HS3ST4: variants seen among roughly 807,000 people sequenced by gnomAD.
The protein encoded by HS3ST4 is heparan sulfate glucosamine 3-O-sulfotransferase 4.
HS3ST4 carries 17 observed loss-of-function variants against 29.2 expected under a neutral mutation model. The observed-to-expected ratio is 0.58, with a 90% confidence interval of 0.40 to 0.87. The LOEUF (loss-of-function observed/expected upper bound fraction) is 0.87. Among genes scored for constraint, HS3ST4 ranks in the 40% least tolerant of loss-of-function variants. The pLI is 0.00. For synonymous variants in HS3ST4, 314 were observed against 285.7 expected, an observed-to-expected ratio of 1.10 and a Z score of -1.00; for missense variants, 627 against 634.5, an observed-to-expected ratio of 0.99 and a Z score of 0.13.
intron 1 of HS3ST4, among the ~76,000 whole-genome samples, chr16:25,975,820 A>G (rs1968938094): frequency 6.6e-6 from 1 of 152,154 alleles, no homozygotes. Flanking sequence ...ATTCTTCAAA[A>G]GTGTGATTCT....
At chr16:25,917,165 C>A (rs985584267) in intron 1 of HS3ST4, among the ~76,000 whole-genome samples, 2 of 152,158 alleles carry the variant, frequency 1.3e-5, no homozygotes, top group African/African-American at 4.8e-5. Context: ...CTAGCACATA[C>A]TAGGGGCTTA....
intron 1 of HS3ST4, among the ~76,000 whole-genome samples, chr16:25,846,353 G>A (rs941658418): frequency 6.6e-6 from 1 of 152,168 alleles, no homozygotes; most frequent in African/African-American, 2.4e-5. Context: ...GGGCGACACA[G>A]TAAGACCCTG....
In HS3ST4 at chr16:25,703,539, G is replaced by A. The variant is rs114539972; in HGVS notation, c.734+10388G>A. On this transcript the variant is annotated intron_variant, in intron 1 of 1. Transcript: ENST00000331351. ...CCTAGGTGTATGGCCTCAAGCATACGTTCTTACCTTTATTTGTCTCAGAGT... is the reference window on the plus strand; with the variant it reads ...CCTAGGTGTATGGCCTCAAGCATACATTCTTACCTTTATTTGTCTCAGAGT... 9.4e-3 allele frequency among the ~76,000 whole-genome samples: 1,431 copies of A among 152,340 alleles called. 22 individuals are homozygous for A. The highest frequency in any genetic ancestry group is 0.033 in the African/African-American group (1,359 of 41,580).
chr16:25,890,512 G>A (rs1365622974), intron 1 of HS3ST4, among the ~76,000 whole-genome samples: 2 of 152,200 alleles, frequency 1.3e-5, no homozygotes, highest in Non-Finnish European at 2.9e-5. Context: ...AGGTATTGAT[G>A]ACATGAATGT....
intron 1 of HS3ST4, 85 bp downstream of exon 1, chr16:25,693,236 T>C: frequency 7.2e-7 from 1 of 1,387,764 alleles, no homozygotes; most frequent in Non-Finnish European, 9.5e-7. Context: ...CCTTCGAGCA[T>C]CCAGGCACCG....
chr16:25,872,207 G>A (rs1054750990), intron 1 of HS3ST4, among the ~76,000 whole-genome samples: 1 of 152,188 alleles, frequency 6.6e-6, no homozygotes. Flanking sequence ...TGCTTATACT[G>A]ATGAGAAGTG....
chr16:25,879,475 A>G (rs1022987881), intron 1 of HS3ST4, among the ~76,000 whole-genome samples: 14 of 152,158 alleles, frequency 9.2e-5, no homozygotes, highest in African/African-American at 3.4e-4. Flanking sequence ...AGACAAGAGA[A>G]GAGAGCTTGT....
chr16:25,885,986 G>A (rs1967945768), intron 1 of HS3ST4, among the ~76,000 whole-genome samples: 1 of 144,918 alleles, frequency 6.9e-6, no homozygotes, highest in Non-Finnish European at 1.5e-5. Flanking sequence ...TAATCAAAAA[G>A]AATGAAGAAG....
chr16:26,128,944 A>T (rs533304617), intron 1 of HS3ST4, among the ~76,000 whole-genome samples: 20 of 152,264 alleles, frequency 1.3e-4, no homozygotes, highest in Admixed American at 2.6e-4. Flanking sequence ...AATATTGCTA[A>T]TTTATGCACC....
At chr16:25,793,927 C>T (rs897125664) in intron 1 of HS3ST4, among the ~76,000 whole-genome samples, 2 of 151,628 alleles carry the variant, frequency 1.3e-5, no homozygotes, top group African/African-American at 4.8e-5. Context: ...TCCATGTCTT[C>T]CTGTATCACA....
chr16:25,771,299 G>A (rs1274263243), intron 1 of HS3ST4, among the ~76,000 whole-genome samples: 1 of 152,116 alleles, frequency 6.6e-6, no homozygotes, highest in East Asian at 1.9e-4. Flanking sequence ...GGACTTGGTA[G>A]AGTAGGGCCA....
At chr16:25,835,206 C>T (rs1967345236) in intron 1 of HS3ST4, among the ~76,000 whole-genome samples, 1 of 152,156 alleles carries the variant, frequency 6.6e-6, no homozygotes, top group Admixed American at 6.5e-5. Flanking sequence ...TAAAATATGC[C>T]TCTTAAGTCT....
chr16:25,774,103 C>T (rs1440268880), intron 1 of HS3ST4, among the ~76,000 whole-genome samples: 2 of 152,118 alleles, frequency 1.3e-5, no homozygotes, highest in African/African-American at 4.8e-5. Context: ...AGAACTAGTC[C>T]CTGCCCATGC....
chr16:25,976,389 T>C (rs114573951), intron 1 of HS3ST4, among the ~76,000 whole-genome samples: 3,105 of 152,230 alleles, frequency 0.02, 104 homozygotes, highest in African/African-American at 0.071. Flanking sequence ...CACTGCAGCC[T>C]CAAATTCCAG....
chr16:25,731,166 A>G (rs530741095), intron 1 of HS3ST4, among the ~76,000 whole-genome samples: 133 of 152,220 alleles, frequency 8.7e-4, no homozygotes, highest in African/African-American at 3.1e-3. Flanking sequence ...GGCATGGGGC[A>G]CCCACATGAC....
At chr16:25,971,421 A>C (rs1380634166) in intron 1 of HS3ST4, among the ~76,000 whole-genome samples, 1 of 152,150 alleles carries the variant, frequency 6.6e-6, no homozygotes, top group Non-Finnish European at 1.5e-5. Flanking sequence ...CTTCAGCAAG[A>C]CAACAGACAT....
At chr16:25,696,447 C>T (rs571517398) in intron 1 of HS3ST4, among the ~76,000 whole-genome samples, 4 of 152,210 alleles carry the variant, frequency 2.6e-5, no homozygotes, top group East Asian at 3.9e-4. Flanking sequence ...CCACTTTACA[C>T]TGGAAACCAT....
At chr16:25,902,818 C>A (rs1364561854) in intron 1 of HS3ST4, among the ~76,000 whole-genome samples, 1 of 151,952 alleles carries the variant, frequency 6.6e-6, no homozygotes, top group African/African-American at 2.4e-5. Context: ...TGGCGGATGC[C>A]TGGGTGCAGT....
At chr16:25,790,217 C>G (rs551627849) in intron 1 of HS3ST4, among the ~76,000 whole-genome samples, 1 of 151,958 alleles carries the variant, frequency 6.6e-6, no homozygotes, top group Admixed American at 6.6e-5. Context: ...TCAAGACCAC[C>G]GTGGCCAACA....
Sources: gnomAD v4.1 joint callset for allele counts (sites outside exome capture counted in the v4.1 genomes callset) on GRCh38, gnomAD v4.1.1 for gene constraint, MANE v1.5 for transcripts, NCBI Gene and HGNC (gene_info 2026-07-23, HGNC 2026-07-21) for gene names.